Variants in SLC4A5 observed in about 807,000 individuals in gnomAD.
The protein encoded by SLC4A5 is electrogenic sodium bicarbonate cotransporter 4.
In SLC4A5, 96 loss-of-function variants were observed where a neutral mutation model predicts 120.4. The observed-to-expected ratio is 0.80, with a 90% CI of 0.68 to 0.94. The LOEUF is 0.94. SLC4A5 is among the 40% of genes least tolerant of loss of function. The probability of loss-of-function intolerance (pLI) is 0.00; values close to 1 mark genes in which losing one functional copy is unlikely to be tolerated. For missense variants in SLC4A5, 1,259 were observed against 1,459.5 expected (o/e 0.86, Z 2.24); for synonymous variants, 550 against 571.1 (o/e 0.96, Z 0.53).
chr2:74,255,667 G>T lies in SLC4A5; in HGVS notation c.1025+108C>A. On this transcript the variant is annotated intron_variant, in intron 13 of 30. Transcript: ENST00000394019. This position sits in a 1 kb window ranked among gnomAD's most constrained non-coding sequence, Gnocchi z 4.0. ...GATTTCCCTTCCCAGCAGCCTCCAC[G>T]TTTAGAGGTGCCTTTGAGAACACTA... 7.6e-7 allele frequency: 1 copy of T among 1,309,858 alleles called. No individual in the cohort carries two copies. The allele number at this position is 1,309,858 out of a possible 1,614,324, so 81.1% of individuals were successfully genotyped here.
chr2:74,283,422 A>G (rs1671875900), intron 8 of SLC4A5, among the ~76,000 whole-genome samples: 2 of 152,230 alleles, frequency 1.3e-5, no homozygotes, highest in South Asian at 2.1e-4. Context: ...TGGCTTCCAC[A>G]CAGGGACCGG....
intron 2 of SLC4A5, 141 bp downstream of exon 2, chr2:74,342,317 C>T (rs1270987890): frequency 6.6e-6 from 1 of 152,216 alleles, no homozygotes; most frequent in Non-Finnish European, 1.5e-5. Flanking sequence ...TTTAGTTACT[C>T]AAGATAAACT....
chr2:74,282,964 T>A (rs901681287), intron 8 of SLC4A5, among the ~76,000 whole-genome samples: 1 of 152,198 alleles, frequency 6.6e-6, no homozygotes, highest in Non-Finnish European at 1.5e-5. Flanking sequence ...TGTTAAGACA[T>A]AATAACCCAG....
At chr2:74,303,905 A>C (rs1357018218) in intron 7 of SLC4A5, among the ~76,000 whole-genome samples, 1 of 149,076 alleles carries the variant, frequency 6.7e-6, no homozygotes, top group East Asian at 2.0e-4. Flanking sequence ...GCTGGAGTGC[A>C]GTGGCGGGAT....
intron 8 of SLC4A5, among the ~76,000 whole-genome samples, chr2:74,275,313 C>T (rs1261714033): frequency 6.6e-6 from 1 of 152,168 alleles, no homozygotes; most frequent in East Asian, 1.9e-4. Flanking sequence ...AAGGAGAGCC[C>T]ACAGCTAAGT....
Position 74,256,914 on chromosome 2 carries a change from G to A in SLC4A5, c.868-982C>T, listed in dbSNP as rs570508712. ...ACAGTCGCTGACACAGTGGGAAAGC[G>A]CCTGGGGGTAGAGGACAGCTCTGAA... is the stretch of plus-strand genomic sequence containing the variant. On this transcript the variant is annotated intron_variant, in intron 12 of 30. Coordinates refer to ENST00000394019, the Ensembl canonical transcript of SLC4A5. Among the ~76,000 whole-genome samples, 7 of 152,286 alleles carry A rather than the reference G, an allele frequency of 4.6e-5. No individual in the cohort carries two copies. The South Asian group carries it at 1.2e-3, about 27-fold the overall frequency.
At chr2:74,324,142 T>C (rs1673158303) in intron 5 of SLC4A5, among the ~76,000 whole-genome samples, 1 of 152,246 alleles carries the variant, frequency 6.6e-6, no homozygotes, top group African/African-American at 2.4e-5. Flanking sequence ...AATTAATGGT[T>C]AAATCTATTT....
At position 74,220,547 on chromosome 2, in the gene SLC4A5, T is replaced by C. The variant is rs185840364; in HGVS notation, c.*33+887A>G. On this transcript the variant is annotated intron_variant, in intron 30 of 30. Transcript: ENST00000394019. ...TTTTTCTTTTTTTGAGATGGAGTCT[T>C]GCTCTGTTGCCCAGGCTGGAGTGCA... is the stretch of plus-strand genomic sequence containing the variant. Among the ~76,000 whole-genome samples, 918 of 151,930 alleles carry C rather than the reference T, an allele frequency of 6.0e-3. 7 individuals are homozygous for C. The highest frequency in any genetic ancestry group is 0.017 in the African/African-American group (715 of 41,422).
rs1231311224 is a variant in SLC4A5 at position 74,255,380 on chromosome 2, C to T, written c.1025+395G>A. On this transcript the variant is annotated intron_variant, in intron 13 of 30. Transcript: ENST00000394019. This position sits in a 1 kb window ranked among gnomAD's most constrained non-coding sequence, Gnocchi z 4.0. Reference sequence around the variant, plus strand: ...TGATCTCGGCTCACTGCAACCTCTGCCTCCCGGGTTCAAGTGATTCTCCTG... The same window carrying T: ...TGATCTCGGCTCACTGCAACCTCTGTCTCCCGGGTTCAAGTGATTCTCCTG... 6.6e-6 allele frequency among the ~76,000 whole-genome samples: 1 copy of T among 152,152 alleles called. No individual in the cohort carries two copies. The highest frequency in any genetic ancestry group is 2.4e-5 in the African/African-American group (1 of 41,434).
rs368884934 is a variant in SLC4A5 at position 74,248,634 on chromosome 2, T to A, written c.1654-148A>T. ...TTTCCTCCCTAAATCCTGTTCTCCATCTCCTACACCCTCCACAACTTGCCA... is the reference window on the plus strand; with the variant it reads ...TTTCCTCCCTAAATCCTGTTCTCCAACTCCTACACCCTCCACAACTTGCCA... On this transcript the variant is annotated intron_variant, in intron 17 of 30. Coordinates refer to ENST00000394019, the Ensembl canonical transcript of SLC4A5. The A allele has an allele frequency of 9.6e-5, 86 of 892,336 alleles. 1 individual carries two copies. The East Asian group carries it at 1.8e-3, about 19-fold the overall frequency. 55.3% of individuals were successfully genotyped at this position (892,336 alleles called of 1,614,324 possible).
chr2:74,276,260 A>C (rs947703771), intron 8 of SLC4A5, among the ~76,000 whole-genome samples: 5 of 152,122 alleles, frequency 3.3e-5, no homozygotes, highest in Admixed American at 1.3e-4. Context: ...CCATTAACTG[A>C]ACATGTTTGC....
intron 17 of SLC4A5, among the ~76,000 whole-genome samples, chr2:74,249,933 G>A (rs1670739717): frequency 6.6e-6 from 1 of 152,222 alleles, no homozygotes; most frequent in Non-Finnish European, 1.5e-5. Flanking sequence ...CATGGCAACA[G>A]CTTACCATCC....
intron 14 of SLC4A5, 79 bp from the exon 15 acceptor site, chr2:74,253,207 T>C: frequency 6.5e-7 from 1 of 1,531,038 alleles, no homozygotes; most frequent in Non-Finnish European, 8.9e-7. Context: ...ATCTAGTTTT[T>C]AAAGGAATCC....
chr2:74,221,625 TA>T (rs1375570237), intron 29 of SLC4A5, 124 bp from the exon 30 acceptor site: 1 of 940,594 alleles, frequency 1.1e-6, no homozygotes. Context: ...GCAAGAGGAA[TA>T]CGGGGCCTCA....
At chr2:74,262,867 C>G (rs572940841) in intron 10 of SLC4A5, among the ~76,000 whole-genome samples, 1 of 152,140 alleles carries the variant, frequency 6.6e-6, no homozygotes, top group Non-Finnish European at 1.5e-5. Context: ...ACTCTCTGTG[C>G]CTCAGGCGTC....
At chr2:74,284,634 C>T (rs895590689) in intron 8 of SLC4A5, among the ~76,000 whole-genome samples, 3 of 152,224 alleles carry the variant, frequency 2.0e-5, no homozygotes, top group Middle Eastern at 6.8e-3. Context: ...CCTCCCGCTG[C>T]CTCTTACCAT....
At chr2:74,333,402 GT>G in intron 4 of SLC4A5, among the ~76,000 whole-genome samples, 1 of 152,228 alleles carries the variant, frequency 6.6e-6, no homozygotes, top group South Asian at 2.1e-4. Flanking sequence ...TCTTAGTACA[GT>G]TGGCCCTCTA....
chr2:74,307,700 A>G lies in SLC4A5; in HGVS notation c.80-3020T>C, dbSNP rs192181985. 170 of 859,450 alleles carry G rather than the reference A, an allele frequency of 2.0e-4. 2 individuals are homozygous for G. The highest frequency in any genetic ancestry group is 1.9e-3 in the East Asian group (63 of 33,814). 53.2% of individuals were successfully genotyped at this position (859,450 alleles called of 1,614,324 possible). On this transcript the variant is annotated intron_variant, in intron 6 of 30. Coordinates refer to ENST00000394019, the Ensembl canonical transcript of SLC4A5. ...GGATTTTGCTCTCCAGCTTCCTGTT[A>G]TCAGTCTCCAGGCTCCTCACTGTCC...
At chr2:74,290,145 C>T in intron 7 of SLC4A5, 1 of 985,636 alleles carries the variant, frequency 1.0e-6, no homozygotes, top group Non-Finnish European at 1.2e-6. Context: ...ATCCCCTTTC[C>T]CCTTCAAGGC....
Sources: allele counts gnomAD v4.1 joint callset (sites outside exome capture counted in the v4.1 genomes callset), GRCh38; gene constraint gnomAD v4.1.1; non-coding constraint Gnocchi (gnomAD v3.1); transcripts MANE v1.5; gene names NCBI Gene and HGNC (gene_info 2026-07-23, HGNC 2026-07-21).